Variants in CDKAL1 observed in about 807,000 individuals in gnomAD.
CDKAL1 encodes the protein CDKAL1 threonylcarbamoyladenosine tRNA methylthiotransferase, also known as threonylcarbamoyladenosine tRNA methylthiotransferase.
Under a neutral mutation model 68.2 loss-of-function variants are expected in CDKAL1, and 32 were observed. That is an observed-to-expected ratio of 0.47 (90% CI 0.35 to 0.63). The LOEUF (loss-of-function observed/expected upper bound fraction) is 0.63, where lower values mean the gene tolerates loss of function less well. CDKAL1 is among the 30% of genes least tolerant of loss of function. The pLI, the probability that CDKAL1 is intolerant of heterozygous loss-of-function variation, is 0.00. For missense variants in CDKAL1, 606 were observed against 696.7 expected (o/e 0.87, Z 1.47); for synonymous variants, 234 against 244.3 (o/e 0.96, Z 0.39).
At chr6:20,977,667 CAGG>C (rs1765907149) in intron 10 of CDKAL1, among the ~76,000 whole-genome samples, 1 of 152,158 alleles carries the variant, frequency 6.6e-6, no homozygotes, top group South Asian at 2.1e-4. Context: ...CCCTTGAGCA[CAGG>C]AGTTTGAGAC....
At chr6:20,612,552 G>A (rs184513515) in intron 4 of CDKAL1, among the ~76,000 whole-genome samples, 6 of 151,738 alleles carry the variant, frequency 4.0e-5, no homozygotes, top group East Asian at 1.9e-4. Flanking sequence ...TGTATGTTTC[G>A]TTTTGAGAAA....
intron 9 of CDKAL1, among the ~76,000 whole-genome samples, chr6:20,891,516 A>T (rs1172538667): frequency 6.9e-6 from 1 of 145,052 alleles, no homozygotes; most frequent in Non-Finnish European, 1.5e-5. Context: ...CATCCTGCTT[A>T]TTTCTTTTCT....
At chr6:20,993,291 A>G (rs1461591933) in intron 10 of CDKAL1, among the ~76,000 whole-genome samples, 1 of 152,160 alleles carries the variant, frequency 6.6e-6, no homozygotes, top group Non-Finnish European at 1.5e-5. Flanking sequence ...TTTAAAGGGA[A>G]TGGTATAGTT....
intron 8 of CDKAL1, among the ~76,000 whole-genome samples, chr6:20,822,036 A>G (rs1481658979): frequency 1.3e-5 from 2 of 152,176 alleles, no homozygotes; most frequent in South Asian, 2.1e-4. Context: ...GTATGTTTAC[A>G]TATTGTGTAT....
chr6:20,537,672 A>G (rs1261045967), intron 2 of CDKAL1, among the ~76,000 whole-genome samples: 1 of 151,048 alleles, frequency 6.6e-6, no homozygotes, highest in Non-Finnish European at 1.5e-5. Context: ...CCACTGCTCT[A>G]GGATATTGCA....
Position 20,777,545 on chromosome 6 carries a change from G to A in CDKAL1, c.518-3600G>A, listed in dbSNP as rs374652180. Among the ~76,000 whole-genome samples the A allele has an allele frequency of 2.0e-4, 30 of 152,330 alleles. 1 individual carries two copies. The highest frequency in any genetic ancestry group is 6.5e-4 in the African/African-American group (27 of 41,578). ...TGGAAGGATTGCTTGAGCCCAGGAAGTCGAGGCTGCAGTGAGCCGTGATTG... is the reference window on the plus strand; with the variant it reads ...TGGAAGGATTGCTTGAGCCCAGGAAATCGAGGCTGCAGTGAGCCGTGATTG... On this transcript the variant is annotated intron_variant, in intron 7 of 15. Coordinates refer to ENST00000274695, the MANE Select transcript of CDKAL1 (RefSeq NM_017774.3).
chr6:20,849,110 T>C (rs1758861708), intron 9 of CDKAL1, among the ~76,000 whole-genome samples: 1 of 151,852 alleles, frequency 6.6e-6, no homozygotes, highest in Non-Finnish European at 1.5e-5. Context: ...CCTCAAGTAC[T>C]TGGTGCTTTT....
intron 11 of CDKAL1, among the ~76,000 whole-genome samples, chr6:21,040,245 A>G (rs1030014649): frequency 4.6e-5 from 7 of 152,172 alleles, no homozygotes; most frequent in Non-Finnish European, 7.3e-5. Context: ...TTATATCCCT[A>G]AAGTACACAA....
chr6:20,571,846 A>G (rs1764717195), intron 4 of CDKAL1, among the ~76,000 whole-genome samples: 1 of 152,132 alleles, frequency 6.6e-6, no homozygotes. Context: ...TGAAGATCAG[A>G]TGTAATTTTA....
At chr6:20,685,139 T>G (rs1049771819) in intron 5 of CDKAL1, among the ~76,000 whole-genome samples, 6 of 152,222 alleles carry the variant, frequency 3.9e-5, no homozygotes, top group African/African-American at 1.4e-4. Flanking sequence ...GTTTTATGTT[T>G]TACATTGAGG....
chr6:20,913,116 T>TACACACACACACACACACAC (rs70990080), intron 9 of CDKAL1, among the ~76,000 whole-genome samples: 10 of 136,462 alleles, frequency 7.3e-5, no homozygotes, highest in African/African-American at 2.3e-4. Flanking sequence ...CACAGTTGTT[T>TACACACACACACACACACAC]ACACACACAC....
intron 8 of CDKAL1, 132 bp downstream of exon 8, chr6:20,781,397 A>G (rs969580444): frequency 9.8e-6 from 7 of 714,532 alleles, no homozygotes; most frequent in Non-Finnish European, 1.6e-5. Context: ...AATGTGCTCA[A>G]ATACAGTTTC....
chr6:20,603,232 T>C (rs1766182914), intron 4 of CDKAL1, among the ~76,000 whole-genome samples: 1 of 152,202 alleles, frequency 6.6e-6, no homozygotes, highest in South Asian at 2.1e-4. Context: ...TTCCTGGCTT[T>C]TGACTTTGCT....
chr6:21,039,018 G>A (rs1769760097), intron 11 of CDKAL1, among the ~76,000 whole-genome samples: 1 of 152,102 alleles, frequency 6.6e-6, no homozygotes, highest in East Asian at 1.9e-4. Flanking sequence ...TTCAAAAGCT[G>A]CCTGCACATT....
At chr6:21,053,794 T>C (rs984563588) in intron 11 of CDKAL1, among the ~76,000 whole-genome samples, 3 of 152,174 alleles carry the variant, frequency 2.0e-5, no homozygotes, top group Non-Finnish European at 4.4e-5. Context: ...TTAAATCTTT[T>C]GCCCATTGCA....
intron 13 of CDKAL1, among the ~76,000 whole-genome samples, chr6:21,175,902 C>G (rs1223723455): frequency 6.6e-6 from 1 of 152,246 alleles, no homozygotes; most frequent in Non-Finnish European, 1.5e-5. Flanking sequence ...TGTCACTTGT[C>G]TGTAAAATTG....
chr6:21,197,942 G>C (rs1778536284), intron 13 of CDKAL1, 79 bp from the exon 14 acceptor site: 2 of 834,708 alleles, frequency 2.4e-6, no homozygotes, highest in Admixed American at 4.7e-5. Flanking sequence ...ACCTACCTGG[G>C]CTAGCCTTTA....
At chr6:21,147,965 G>A (rs1028913873) in intron 13 of CDKAL1, among the ~76,000 whole-genome samples, 4 of 152,118 alleles carry the variant, frequency 2.6e-5, no homozygotes, top group African/African-American at 9.7e-5. Flanking sequence ...TTAAGTAGGC[G>A]GAAAGCATGT....
intron 10 of CDKAL1, among the ~76,000 whole-genome samples, chr6:20,969,432 G>A (rs1341083822): frequency 6.6e-6 from 1 of 152,166 alleles, no homozygotes; most frequent in African/African-American, 2.4e-5. Context: ...GGCTGAGGAG[G>A]AGGAAGAAGA....
Sources: allele counts gnomAD v4.1 joint callset (sites outside exome capture counted in the v4.1 genomes callset), GRCh38; gene constraint gnomAD v4.1.1; transcripts MANE v1.5; gene names NCBI Gene and HGNC (gene_info 2026-07-23, HGNC 2026-07-21).